Variants in MX2 observed in about 807,000 individuals in gnomAD.
The protein encoded by MX2 is MX dynamin like GTPase 2, also known as interferon-induced GTP-binding protein Mx2.
MX2 carries 51 observed loss-of-function variants against 74.0 expected under a neutral mutation model. The ratio of observed to expected loss-of-function variants is 0.69; its 90% CI spans 0.55 to 0.87. The LOEUF is 0.87. Ranked by LOEUF, MX2 falls within the 40% of genes least tolerant of loss-of-function variation. MX2 has a pLI of 0.00. For missense variants in MX2, 832 were observed against 908.7 expected, an observed-to-expected ratio of 0.92 and a Z score of 1.09; for synonymous variants, 369 against 339.3, an observed-to-expected ratio of 1.09 and a Z score of -0.96.
Position 41,402,506 on chromosome 21 carries a change from C to A in MX2, c.1573+378C>A, listed in dbSNP as rs1320909467. The A allele has an allele frequency of 1.6e-5, 3 of 192,970 alleles. No homozygotes were observed. Among genetic ancestry groups the A allele is most frequent in the Non-Finnish European group, 3.2e-5 (3 of 94,098 alleles). The allele number at this position is 192,970 out of a possible 1,614,324, so 12.0% of individuals were successfully genotyped here. On this transcript the variant is annotated intron_variant, in intron 11 of 13. Coordinates refer to ENST00000330714, the MANE Select transcript of MX2 (RefSeq NM_002463.2). This position sits in a 1 kb window ranked among gnomAD's most constrained non-coding sequence, Gnocchi z 4.5. Reference sequence around the variant, plus strand: ...ACTTCATCTGTATCACACGCAGCCACCAACACAGCCGCGTAAGGCAGCGGT... The same window carrying A: ...ACTTCATCTGTATCACACGCAGCCAACAACACAGCCGCGTAAGGCAGCGGT...
At chr21:41,385,967 CAG>C (rs2089567198) in intron 5 of MX2, among the ~76,000 whole-genome samples, 1 of 151,958 alleles carries the variant, frequency 6.6e-6, no homozygotes, top group Non-Finnish European at 1.5e-5. Context: ...TTGGTCAACT[CAG>C]AGCTGCCACA....
At chr21:41,375,729 AAG>A (rs2089392044) in intron 1 of MX2, among the ~76,000 whole-genome samples, 1 of 152,226 alleles carries the variant, frequency 6.6e-6, no homozygotes, top group Non-Finnish European at 1.5e-5. Context: ...TATATCTGCA[AAG>A]AGTCTTTTTC....
At chr21:41,395,355 G>C (rs943960130) in intron 6 of MX2, among the ~76,000 whole-genome samples, 1 of 152,206 alleles carries the variant, frequency 6.6e-6, no homozygotes, top group Admixed American at 6.5e-5. Context: ...CGAAATATTT[G>C]TTAAGTCAAC....
rs187737269 is a variant in MX2 at position 41,398,224 on chromosome 21, G to A, written c.1149+533G>A. ...CTGGGGAGGCTGAGGCAGGAGAATC[G>A]CTTGAACCCGGAAGGTGGAGGTTGT... On this transcript the variant is annotated intron_variant, in intron 8 of 13. Coordinates refer to ENST00000330714, the MANE Select transcript of MX2 (RefSeq NM_002463.2). Among the ~76,000 whole-genome samples, 97 of 152,324 alleles carry A rather than the reference G, an allele frequency of 6.4e-4. 2 individuals are homozygous for A. The East Asian group carries it at 0.018, about 28-fold the overall frequency.
Position 41,388,010 on chromosome 21 carries a change from C to T in MX2, c.733-2555C>T, listed in dbSNP as rs977036995. ...TCTGCTTCAAATAACACACCCAGGC[C>T]CACGTCTCCTCCCACTTCCACCAGC... is the stretch of plus-strand genomic sequence containing the variant. On this transcript the variant is annotated intron_variant, in intron 5 of 13. Coordinates refer to ENST00000330714, the MANE Select transcript of MX2 (RefSeq NM_002463.2). This position sits in a 1 kb window ranked among gnomAD's most constrained non-coding sequence, Gnocchi z 4.0. Among the ~76,000 whole-genome samples the T allele has an allele frequency of 2.6e-5, 4 of 152,138 alleles. No individual in the cohort carries two copies. Among genetic ancestry groups the T allele is most frequent in the African/African-American group, 9.7e-5 (4 of 41,410 alleles).
At chr21:41,375,545 C>T (rs1025929231) in intron 1 of MX2, among the ~76,000 whole-genome samples, 1 of 152,234 alleles carries the variant, frequency 6.6e-6, no homozygotes, top group Admixed American at 6.5e-5. Context: ...CCTTGGCATT[C>T]CCTGGCCTGG....
At chr21:41,399,382 C>T in intron 10 of MX2, 45 bp downstream of exon 10, 1 of 1,592,008 alleles carries the variant, frequency 6.3e-7, no homozygotes, top group Non-Finnish European at 8.6e-7. Flanking sequence ...TGGTATTTAC[C>T]CAGACCAGAG....
In MX2 at chr21:41,390,549, G is replaced by A. The variant is rs372368251; in HGVS notation, c.733-16G>A. 1.9e-5 allele frequency: 31 copies of A among 1,613,734 alleles called. No homozygotes were observed. The East Asian group carries it at 2.2e-4, about 12-fold the overall frequency. On this transcript the variant is annotated splice_polypyrimidine_tract_variant and intron_variant, in intron 5 of 13. Coordinates refer to ENST00000330714, the MANE Select transcript of MX2 (RefSeq NM_002463.2). ...TGAGACGTGTGCTCTTTCTTTGTGC[G>A]ATTCTTTGGCATCAGATCAAGGCTC...
chr21:41,396,705 G>C (rs2089741265), intron 7 of MX2, among the ~76,000 whole-genome samples: 1 of 152,182 alleles, frequency 6.6e-6, no homozygotes, highest in Non-Finnish European at 1.5e-5. Flanking sequence ...CTTCCTCTCT[G>C]CTCCTGCTCT....
intron 3 of MX2, among the ~76,000 whole-genome samples, chr21:41,379,732 A>G (rs7277541): frequency 0.2 from 29,994 of 152,186 alleles, 4,738 homozygotes; most frequent in African/African-American, 0.44. Flanking sequence ...GGTGGGGGCT[A>G]TGGCTGTGGT....
At position 41,395,721 on chromosome 21, in the gene MX2, A is replaced by G. The variant is rs566312194; in HGVS notation, c.1006A>G (p.Arg336Gly). Reference sequence around the variant, plus strand: ...CCGGGGCCAGCAGGAGATCACAAACAGGCTGAGCTTGGCAGAGGCAACCAA... The same window carrying G: ...CCGGGGCCAGCAGGAGATCACAAACGGGCTGAGCTTGGCAGAGGCAACCAA... The part of the protein sequence containing the change: ...KCRGQQEITN[R>G]LSLAEATKKE... The change falls in exon 7 of 14, where the codon AGG becomes GGG. Residue 336 changes from arginine to glycine, a missense_variant. By Grantham distance (125) the Arg-to-Gly change is moderately radical. Transcript: ENST00000330714. 6.2e-7 allele frequency: 1 copy of G among 1,614,222 alleles called. No homozygotes were observed. The highest frequency in any genetic ancestry group is 1.3e-5 in the African/African-American group (1 of 75,054).
intron 5 of MX2, among the ~76,000 whole-genome samples, chr21:41,383,429 TGTG>T (rs1231355274): frequency 6.6e-6 from 1 of 152,190 alleles, no homozygotes; most frequent in East Asian, 1.9e-4. Context: ...CTGAATCAAA[TGTG>T]GTCCAGGAAA....
rs1288888145 is a variant in MX2 at position 41,380,047 on chromosome 21, A to C, written c.473A>C (p.Lys158Thr). The change falls in exon 4 of 14, where the codon AAA becomes ACA. Residue 158 changes from lysine (K) to threonine (T), a missense_variant. Physicochemically the swap from Lys to Thr is moderately conservative, Grantham distance 78. Transcript: ENST00000330714. This position sits in a 1 kb window ranked among gnomAD's most constrained non-coding sequence, Gnocchi z 4.3. ...GIVTRCPLVL[K>T]LKKQPCEAWA... ...GTAACCAGGTGTCCGCTGGTGCTGAAACTGAAAAAGCAGCCCTGTGAGGCA... is the reference window on the plus strand; with the variant it reads ...GTAACCAGGTGTCCGCTGGTGCTGACACTGAAAAAGCAGCCCTGTGAGGCA... 6.2e-7 allele frequency: 1 copy of C among 1,614,050 alleles called. No individual in the cohort carries two copies. The highest frequency in any genetic ancestry group is 8.5e-7 in the Non-Finnish European group (1 of 1,179,934).
intron 1 of MX2, among the ~76,000 whole-genome samples, chr21:41,371,777 G>A (rs1410306570): frequency 6.6e-6 from 1 of 152,096 alleles, no homozygotes; most frequent in Non-Finnish European, 1.5e-5. Context: ...AGATAAATTG[G>A]GTGTGGCAAG....
rs949564489 is a variant in MX2 at position 41,366,275 on chromosome 21, A to T, written c.-72+4220A>T. 1 of 152,258 alleles carries T rather than the reference A, an allele frequency of 6.6e-6. No individual in the cohort carries two copies. The highest frequency in any genetic ancestry group is 1.5e-5 in the Non-Finnish European group (1 of 68,048). 9.4% of individuals were successfully genotyped at this position (152,258 alleles called of 1,614,324 possible). On this transcript the variant is annotated intron_variant, in intron 1 of 13. Coordinates refer to ENST00000330714, the MANE Select transcript of MX2 (RefSeq NM_002463.2). The surrounding 1 kb of genome is among the most constrained non-coding windows in gnomAD (Gnocchi z 4.5). ...TGGGGAACATAGTCTTATAGATTTG[A>T]TGAATTCCCTTTTTGCACCTGTATA...
chr21:41,387,638 T>C (rs1288008562), intron 5 of MX2, among the ~76,000 whole-genome samples: 1 of 152,114 alleles, frequency 6.6e-6, no homozygotes, highest in South Asian at 2.1e-4. Flanking sequence ...CATTGAAAAC[T>C]CTCCCTGCTA....
intron 11 of MX2, chr21:41,403,037 A>G: frequency 2.0e-6 from 1 of 494,056 alleles, no homozygotes; most frequent in Non-Finnish European, 3.7e-6. Context: ...ACATGCACAC[A>G]GGCACGGGAA....
chr21:41,362,415 C>T (rs1056251659), intron 1 of MX2, among the ~76,000 whole-genome samples: 2 of 151,796 alleles, frequency 1.3e-5, no homozygotes, highest in African/African-American at 2.4e-5. Flanking sequence ...GCTTTGTGCC[C>T]GAAAAGTCGT....
chr21:41,379,929 G>C, intron 3 of MX2, 88 bp from the exon 4 acceptor site: 1 of 1,541,730 alleles, frequency 6.5e-7, no homozygotes, highest in Middle Eastern at 2.3e-4. Flanking sequence ...GAGGCCTTTG[G>C]GGACAGCAGG....
Sources: allele counts gnomAD v4.1 joint callset (sites outside exome capture counted in the v4.1 genomes callset), GRCh38; gene constraint gnomAD v4.1.1; non-coding constraint Gnocchi (gnomAD v3.1); transcripts MANE v1.5; gene names NCBI Gene and HGNC (gene_info 2026-07-23, HGNC 2026-07-21).